PRICKLE2: variants seen among roughly 807,000 people sequenced by gnomAD.
The protein encoded by PRICKLE2 is prickle-like protein 2.
A neutral mutation model predicts 81.4 loss-of-function variants in PRICKLE2; 21 were observed. That is an observed-to-expected ratio of 0.26 (90% CI 0.18 to 0.37). The LOEUF (loss-of-function observed/expected upper bound fraction) is 0.37. PRICKLE2 is among the 10% of genes least tolerant of loss of function. The pLI is 1.00. For missense variants in PRICKLE2, 940 were observed against 1,109.0 expected (o/e 0.85, Z 2.16); for synonymous variants, 456 against 421.5 (o/e 1.08, Z -1.00).
intron 2 of PRICKLE2, among the ~76,000 whole-genome samples, chr3:64,232,558 T>C: frequency 3.8e-5 from 1 of 26,332 alleles, no homozygotes; most frequent in East Asian, 7.6e-4. Context: ...CTTCTCAGGC[T>C]CTTTTGCTGG....
intron 7 of PRICKLE2, among the ~76,000 whole-genome samples, chr3:64,106,466 A>C (rs1223513468): frequency 6.6e-6 from 1 of 152,336 alleles, no homozygotes. Context: ...AGGCAAACAA[A>C]TATCATTGAA....
intron 2 of PRICKLE2, among the ~76,000 whole-genome samples, chr3:64,186,197 T>A (rs2078228916): frequency 6.6e-6 from 1 of 152,246 alleles, no homozygotes; most frequent in Non-Finnish European, 1.5e-5. Flanking sequence ...TTTTGAGTTA[T>A]TTCCAATTTT....
Position 64,159,847 on chromosome 3 carries a change from A to G in PRICKLE2, c.396+93T>C, listed in dbSNP as rs575628175. 1.1e-5 allele frequency: 16 copies of G among 1,510,678 alleles called. No individual in the cohort carries two copies. In the African/African-American group the frequency reaches 1.6e-4, roughly 16 times the overall value. 93.6% of individuals were successfully genotyped at this position (1,510,678 alleles called of 1,614,324 possible). A position where few individuals can be genotyped will look rare whatever the true frequency, so the allele number is the denominator to read the frequency against. On this transcript the variant is annotated intron_variant, in intron 4 of 7. Coordinates refer to ENST00000638394, the MANE Select transcript of PRICKLE2 (RefSeq NM_198859.4). ...TTGTTCACTACTGTATCTCAGGCAC[A>G]TAGTAGGCACTCAGTAAAACAATTG...
intron 7 of PRICKLE2, chr3:64,102,955 T>TGTGTGTGTGTGTGC (rs2076691917): frequency 6.6e-6 from 1 of 151,432 alleles, no homozygotes; most frequent in African/African-American, 2.4e-5. Flanking sequence ...ATAAATAAAA[T>TGTGTGTGTGTGTGC]GTGTGTGTGT....
intron 2 of PRICKLE2, among the ~76,000 whole-genome samples, chr3:64,234,843 G>A (rs1009479309): frequency 6.6e-5 from 10 of 152,058 alleles, no homozygotes; most frequent in Non-Finnish European, 1.2e-4. Context: ...ATTATGAGGT[G>A]TTTGAGTGTG....
Position 64,248,669 on chromosome 3 carries a change from A to C in PRICKLE2, c.129-49702T>G, listed in dbSNP as rs528787661. On this transcript the variant is annotated intron_variant, in intron 2 of 8. Coordinates refer to the PRICKLE2 transcript ENST00000295902. ...ACAAAACCAAAACCAAAAAAAACAAAACAAAAAAACCATTACTTCCCTCCC... is the reference window on the plus strand; with the variant it reads ...ACAAAACCAAAACCAAAAAAAACAACACAAAAAAACCATTACTTCCCTCCC... 3.4e-4 allele frequency among the ~76,000 whole-genome samples: 51 copies of C among 151,986 alleles called. 1 individual carries two copies. In the South Asian group the frequency reaches 4.8e-3, roughly 14 times the overall value.
intron 2 of PRICKLE2, among the ~76,000 whole-genome samples, chr3:64,238,551 C>T (rs573798522): frequency 1.6e-4 from 24 of 151,578 alleles, no homozygotes; most frequent in Non-Finnish European, 3.1e-4. Flanking sequence ...AGAATTAGGG[C>T]TAACATGTAG....
At chr3:64,196,605 C>T (rs542637642) in intron 2 of PRICKLE2, among the ~76,000 whole-genome samples, 1 of 152,246 alleles carries the variant, frequency 6.6e-6, no homozygotes, top group South Asian at 2.1e-4. Context: ...TGGGAGAAAG[C>T]ACTCATTTCT....
intron 2 of PRICKLE2, among the ~76,000 whole-genome samples, chr3:64,186,055 T>C (rs1012926297): frequency 6.6e-6 from 1 of 152,232 alleles, no homozygotes; most frequent in South Asian, 2.1e-4. Context: ...CTGGCTTCTT[T>C]CATTTGGAAT....
rs768931578 is a variant in PRICKLE2 at position 64,147,285 on chromosome 3, T to C, written c.1205A>G (p.His402Arg). The C allele has an allele frequency of 5.0e-6, 8 of 1,613,064 alleles. No homozygotes were observed. The Admixed American group carries it at 6.7e-5, about 13-fold the overall frequency. Residue 402 changes from histidine to arginine, a missense_variant, in exon 7 of 8, where the codon CAT becomes CGT. Around this residue, in one of 2 missense-constraint regions of PRICKLE2, gnomAD observed 670 missense variants for 717.2 expected, o/e 0.93. Transcript: ENST00000638394. This position sits in a 1 kb window ranked among gnomAD's most constrained non-coding sequence, Gnocchi z 5.0. ...GTTCTGCTCCATCTTGTTCCCATAATGGTAGGGCTCTTCCCGGCTCCTCCA... is the reference window on the plus strand; with the variant it reads ...GTTCTGCTCCATCTTGTTCCCATAACGGTAGGGCTCTTCCCGGCTCCTCCA... ...PIWRSREEPY[H>R]YGNKMEQNQT...
intron 7 of PRICKLE2, among the ~76,000 whole-genome samples, chr3:64,115,648 A>C (rs1470013295): frequency 6.6e-6 from 1 of 152,240 alleles, no homozygotes; most frequent in African/African-American, 2.4e-5. Flanking sequence ...AGAAAATCTC[A>C]CTATCCTAAA....
At chr3:64,118,054 C>T (rs945391040) in intron 7 of PRICKLE2, among the ~76,000 whole-genome samples, 1 of 152,148 alleles carries the variant, frequency 6.6e-6, no homozygotes, top group Non-Finnish European at 1.5e-5. Flanking sequence ...GGCCACACAC[C>T]TATAGCTATC....
intron 7 of PRICKLE2, among the ~76,000 whole-genome samples, chr3:64,138,223 T>C (rs893950962): frequency 1.3e-4 from 19 of 151,880 alleles, no homozygotes; most frequent in African/African-American, 4.1e-4. Flanking sequence ...TCCTTCTCCA[T>C]TGTCAGTCCT....
At chr3:64,255,767 C>A (rs1575720431) in intron 2 of PRICKLE2, among the ~76,000 whole-genome samples, 2 of 152,194 alleles carry the variant, frequency 1.3e-5, no homozygotes, top group African/African-American at 4.8e-5. Context: ...ATTTCTCAGC[C>A]TCTTTTGCAA....
chr3:64,241,044 T>C (rs1028975641), intron 2 of PRICKLE2, among the ~76,000 whole-genome samples: 1 of 152,232 alleles, frequency 6.6e-6, no homozygotes, highest in African/African-American at 2.4e-5. Context: ...CCAAGTGGTA[T>C]ATATGTTAGG....
Position 64,147,801 on chromosome 3 carries a change from G to T in PRICKLE2, c.788-99C>A. 7.7e-7 allele frequency: 1 copy of T among 1,296,034 alleles called. No homozygotes were observed. The highest frequency in any genetic ancestry group is 1.1e-6 in the Non-Finnish European group (1 of 897,720). 80.3% of individuals were successfully genotyped at this position (1,296,034 alleles called of 1,614,324 possible). On this transcript the variant is annotated intron_variant, in intron 6 of 7. Transcript: ENST00000638394. The surrounding 1 kb of genome is among the most constrained non-coding windows in gnomAD (Gnocchi z 5.0). ...ACCTTGGTTTGTCTCAGGATTCCAG[G>T]TGCGGCAGGATAAACTGTCAATAAA...
At chr3:64,114,807 T>C (rs1449526372) in intron 7 of PRICKLE2, among the ~76,000 whole-genome samples, 1 of 152,150 alleles carries the variant, frequency 6.6e-6, no homozygotes, top group Admixed American at 6.5e-5. Flanking sequence ...TACTTCAAGA[T>C]ATCATTCATG....
intron 2 of PRICKLE2, among the ~76,000 whole-genome samples, chr3:64,249,291 A>T (rs545837714): frequency 6.6e-6 from 1 of 152,180 alleles, no homozygotes; most frequent in South Asian, 2.1e-4. Flanking sequence ...ATCATATCTC[A>T]TGAGAACTCA....
chr3:64,127,545 G>T (rs1018293278), intron 7 of PRICKLE2, among the ~76,000 whole-genome samples: 1 of 152,122 alleles, frequency 6.6e-6, no homozygotes, highest in Non-Finnish European at 1.5e-5. Flanking sequence ...AGGAATCTGA[G>T]ACTCAAAGAG....
Sources: gnomAD v4.1 joint callset for allele counts (sites outside exome capture counted in the v4.1 genomes callset) on GRCh38, gnomAD v4.1.1 for gene constraint, gnomAD v4.1.1 regional missense constraint, Gnocchi (gnomAD v3.1) non-coding constraint, MANE v1.5 for transcripts, NCBI Gene and HGNC (gene_info 2026-07-23, HGNC 2026-07-21) for gene names.